Variants in CSMD1 observed in about 807,000 individuals in gnomAD.
The protein encoded by CSMD1 is CUB and sushi domain-containing protein 1.
In CSMD1, 213 loss-of-function variants were observed where a neutral mutation model predicts 417.5. The observed-to-expected ratio is 0.51, with a 90% CI of 0.46 to 0.57. The LOEUF (loss-of-function observed/expected upper bound fraction) is 0.57, where lower values mean the gene tolerates loss of function less well. Among genes scored for constraint, CSMD1 ranks in the 20% least tolerant of loss-of-function variants. The pLI is 0.00. For synonymous variants in CSMD1, 2,862 were observed against 1,736.8 expected (o/e 1.65, Z -16.11); for missense variants, 6,923 against 4,529.7 (o/e 1.53, Z -15.17).
At chr8:4,676,561 G>C (rs1805693087) in intron 1 of CSMD1, among the ~76,000 whole-genome samples, 1 of 152,128 alleles carries the variant, frequency 6.6e-6, no homozygotes, top group Non-Finnish European at 1.5e-5. Flanking sequence ...CACCAGTTTA[G>C]CACAAGCTAC....
intron 3 of CSMD1, among the ~76,000 whole-genome samples, chr8:4,229,097 G>C (rs1400688691): frequency 6.6e-6 from 1 of 152,190 alleles, no homozygotes; most frequent in African/African-American, 2.4e-5. Context: ...GCACTCCCAA[G>C]TGTGCTTTTC....
intron 29 of CSMD1, among the ~76,000 whole-genome samples, chr8:3,216,223 A>G (rs1797871782): frequency 6.6e-6 from 1 of 151,990 alleles, no homozygotes; most frequent in Admixed American, 6.6e-5. Flanking sequence ...ATTCTTTGTA[A>G]CTGCATTAAA....
chr8:4,459,457 GGA>G (rs1456233435), intron 2 of CSMD1, among the ~76,000 whole-genome samples: 5 of 152,116 alleles, frequency 3.3e-5, no homozygotes, highest in African/African-American at 1.2e-4. Flanking sequence ...TTTCCCAAGA[GGA>G]GAGATAGAGG....
At chr8:3,597,827 G>A (rs55773004) in intron 8 of CSMD1, among the ~76,000 whole-genome samples, 32,723 of 151,936 alleles carry the variant, frequency 0.22, 3,698 homozygotes, top group Admixed American at 0.26. Context: ...CACACACCGG[G>A]GCCTGTCGGG....
At chr8:3,027,145 A>G (rs180888515) in intron 51 of CSMD1, among the ~76,000 whole-genome samples, 1 of 152,284 alleles carries the variant, frequency 6.6e-6, no homozygotes, top group South Asian at 2.1e-4. Context: ...TATATAGTAG[A>G]TATAAGAATA....
intron 51 of CSMD1, among the ~76,000 whole-genome samples, chr8:3,025,179 AT>A (rs1784988911): frequency 6.7e-6 from 1 of 149,388 alleles, no homozygotes; most frequent in Non-Finnish European, 1.5e-5. Context: ...TGTTATTCTG[AT>A]ACCGTGTATT....
chr8:3,223,596 T>C lies in CSMD1; in HGVS notation c.4484+133A>G, dbSNP rs1798331841. 5 of 832,948 alleles carry C rather than the reference T, an allele frequency of 6.0e-6. No individual in the cohort carries two copies. The South Asian group carries it at 9.8e-5, about 16-fold the overall frequency. 51.6% of individuals were successfully genotyped at this position (832,948 alleles called of 1,614,324 possible). ...ATTTATGTCATTTTGCAGCCTGGTG[T>C]AGTCTCCATTAGACACAAAATCTAG... is the stretch of plus-strand genomic sequence containing the variant. On this transcript the variant is annotated intron_variant, in intron 28 of 69. Coordinates refer to ENST00000635120, the MANE Select transcript of CSMD1 (RefSeq NM_033225.6).
intron 1 of CSMD1, among the ~76,000 whole-genome samples, chr8:4,734,632 C>G (rs1277158181): frequency 1.3e-5 from 2 of 152,048 alleles, no homozygotes; most frequent in Non-Finnish European, 2.9e-5. Flanking sequence ...TTTTTAGGTA[C>G]TGGAAATACT....
chr8:4,293,562 T>C (rs1047091655), intron 3 of CSMD1, among the ~76,000 whole-genome samples: 1 of 152,198 alleles, frequency 6.6e-6, no homozygotes, highest in African/African-American at 2.4e-5. Flanking sequence ...TGCCTTATCT[T>C]CCAAATTAGG....
At chr8:4,553,301 T>G (rs577085928) in intron 2 of CSMD1, among the ~76,000 whole-genome samples, 1 of 152,178 alleles carries the variant, frequency 6.6e-6, no homozygotes, top group Non-Finnish European at 1.5e-5. Flanking sequence ...ATTTCATATA[T>G]CAGCTCTGGG....
intron 7 of CSMD1, among the ~76,000 whole-genome samples, chr8:3,652,553 T>C (rs988233352): frequency 2.0e-5 from 3 of 152,202 alleles, no homozygotes; most frequent in South Asian, 4.1e-4. Flanking sequence ...CTCACAATCT[T>C]GGCAGAATGC....
At chr8:4,378,162 T>C (rs1355115484) in intron 3 of CSMD1, among the ~76,000 whole-genome samples, 3 of 152,226 alleles carry the variant, frequency 2.0e-5, no homozygotes, top group Non-Finnish European at 4.4e-5. Context: ...ATTATTCACT[T>C]ATACTCTAGA....
At chr8:4,334,934 T>C (rs538003658) in intron 3 of CSMD1, among the ~76,000 whole-genome samples, 1 of 152,130 alleles carries the variant, frequency 6.6e-6, no homozygotes, top group Admixed American at 6.6e-5. Flanking sequence ...ACAGATGCTG[T>C]ATTTTTGCTA....
At chr8:4,077,850 T>A (rs565317963) in intron 3 of CSMD1, among the ~76,000 whole-genome samples, 1 of 152,164 alleles carries the variant, frequency 6.6e-6, no homozygotes, top group Non-Finnish European at 1.5e-5. Flanking sequence ...TGAGCCTAAA[T>A]ATGCCTCCTT....
intron 7 of CSMD1, among the ~76,000 whole-genome samples, chr8:3,630,222 A>T (rs1246089610): frequency 6.6e-6 from 1 of 152,182 alleles, no homozygotes; most frequent in Admixed American, 6.5e-5. Flanking sequence ...TAATAGCTAG[A>T]TGGGGGAGCA....
chr8:3,168,233 G>A (rs1444294305), intron 37 of CSMD1, among the ~76,000 whole-genome samples: 1 of 152,136 alleles, frequency 6.6e-6, no homozygotes, highest in African/African-American at 2.4e-5. Flanking sequence ...GGTAGACCAT[G>A]AACACTATGT....
chr8:3,201,821 G>A (rs549347363), intron 31 of CSMD1, 96 bp from the exon 32 acceptor site: 15 of 542,314 alleles, frequency 2.8e-5, no homozygotes, highest in Non-Finnish European at 4.4e-5. Context: ...TGCCCCAATG[G>A]ATCATTATCC....
intron 4 of CSMD1, among the ~76,000 whole-genome samples, chr8:4,008,996 T>G (rs939060674): frequency 2.0e-5 from 3 of 152,258 alleles, no homozygotes; most frequent in South Asian, 2.1e-4. Flanking sequence ...AGTGGGTAGG[T>G]TTTGTGCCCA....
In CSMD1 at chr8:3,408,147, ATGT is replaced by A; in HGVS notation, c.1820_1822del (p.Asn607del). The stretch of plus-strand genomic sequence containing the variant: ...CGAGATAATCAACCAGACACAGTTC[ATGT>A]TGTTCCCATATTCCTCTGGATAATT... On this transcript the variant is annotated inframe_deletion, in exon 14 of 70. Coordinates refer to ENST00000635120, the MANE Select transcript of CSMD1 (RefSeq NM_033225.6). 1 of 1,613,564 alleles carries A rather than the reference ATGT, an allele frequency of 6.2e-7. No homozygotes were observed. Among genetic ancestry groups the A allele is most frequent in the Non-Finnish European group, 8.5e-7 (1 of 1,179,606 alleles).
Sources: allele counts gnomAD v4.1 joint callset (sites outside exome capture counted in the v4.1 genomes callset), GRCh38; gene constraint gnomAD v4.1.1; transcripts MANE v1.5; gene names NCBI Gene and HGNC (gene_info 2026-07-23, HGNC 2026-07-21).